The following COMMD1 variants were observed in gnomAD, a reference collection of about 807,000 sequenced individuals.
The protein encoded by COMMD1 is copper metabolism domain containing 1, also known as COMM domain-containing protein 1.
In COMMD1, 10 loss-of-function variants were observed where a neutral mutation model predicts 17.2. That is an observed-to-expected ratio of 0.58 (90% confidence interval 0.36 to 0.99). The LOEUF (loss-of-function observed/expected upper bound fraction) is 0.99. COMMD1 is among the 50% of genes least tolerant of loss of function. COMMD1 has a pLI of 0.01. For missense variants in COMMD1, 270 were observed against 231.8 expected (o/e 1.17, Z -1.07); for synonymous variants, 97 against 91.6 (o/e 1.06, Z -0.34).
At chr2:62,047,378 G>T (rs867177242) in intron 2 of COMMD1, among the ~76,000 whole-genome samples, 1 of 152,050 alleles carries the variant, frequency 6.6e-6, no homozygotes, top group African/African-American at 2.4e-5. Context: ...AGGCCTTCAC[G>T]TTCACGGACC....
intron 1 of COMMD1, among the ~76,000 whole-genome samples, chr2:61,913,631 C>G (rs1358018034): frequency 6.7e-6 from 1 of 149,378 alleles, no homozygotes; most frequent in Non-Finnish European, 1.5e-5. Context: ...ATTGGCTCTA[C>G]TAAAAATACA....
intron 1 of COMMD1, among the ~76,000 whole-genome samples, chr2:61,949,394 A>G (rs987664517): frequency 6.6e-6 from 1 of 152,190 alleles, no homozygotes; most frequent in African/African-American, 2.4e-5. Flanking sequence ...TTCCAGCCCA[A>G]CGAGTTCCTT....
At chr2:61,908,805 G>A (rs1371972495) in intron 1 of COMMD1, among the ~76,000 whole-genome samples, 4 of 151,660 alleles carry the variant, frequency 2.6e-5, no homozygotes, top group Non-Finnish European at 5.9e-5. Flanking sequence ...CTGACCTCGT[G>A]AGCCACCTGC....
chr2:62,133,649 T>C (rs1673105171), intron 2 of COMMD1, among the ~76,000 whole-genome samples: 1 of 152,010 alleles, frequency 6.6e-6, no homozygotes, highest in South Asian at 2.1e-4. Flanking sequence ...TGACTAGACA[T>C]AGGAAGAAGG....
intron 1 of COMMD1, among the ~76,000 whole-genome samples, chr2:61,984,564 C>T (rs1419910079): frequency 3.9e-5 from 6 of 152,166 alleles, no homozygotes. Context: ...TTAGACTTGG[C>T]TTGTAGCCTA....
intron 2 of COMMD1, among the ~76,000 whole-genome samples, chr2:62,020,751 G>C (rs1042536648): frequency 4.6e-5 from 7 of 152,158 alleles, no homozygotes; most frequent in Non-Finnish European, 4.4e-5. Context: ...TGTAATCCCA[G>C]CACTTTGGGA....
intron 1 of COMMD1, among the ~76,000 whole-genome samples, chr2:61,938,400 A>G (rs992569941): frequency 2.0e-5 from 3 of 152,138 alleles, no homozygotes; most frequent in African/African-American, 7.2e-5. Flanking sequence ...GTTCAGTTCC[A>G]AAGGATAAGG....
intron 2 of COMMD1, among the ~76,000 whole-genome samples, chr2:62,090,225 T>C (rs1053125847): frequency 2.7e-5 from 4 of 150,160 alleles, no homozygotes; most frequent in African/African-American, 9.8e-5. Flanking sequence ...ACAAACACCA[T>C]AAAGATAGCA....
chr2:62,008,389 C>CAT (rs1320493467), intron 2 of COMMD1, among the ~76,000 whole-genome samples: 2 of 145,638 alleles, frequency 1.4e-5, no homozygotes, highest in Non-Finnish European at 3.1e-5. Context: ...CACACACACA[C>CAT]ATATATATTT....
chr2:61,997,314 G>A (rs1020938344), intron 1 of COMMD1, among the ~76,000 whole-genome samples: 2 of 151,442 alleles, frequency 1.3e-5, no homozygotes, highest in Admixed American at 6.6e-5. Context: ...TGCCCACCTC[G>A]GCCTCCCAAG....
intron 2 of COMMD1, among the ~76,000 whole-genome samples, chr2:62,035,483 A>G (rs145991627): frequency 3.2e-4 from 48 of 151,720 alleles, no homozygotes; most frequent in Non-Finnish European, 3.7e-4. Context: ...GCTCATGCCT[A>G]TAATCCCAGC....
intron 1 of COMMD1, among the ~76,000 whole-genome samples, chr2:61,908,295 C>T (rs1173050149): frequency 1.3e-5 from 2 of 150,174 alleles, no homozygotes; most frequent in African/African-American, 4.9e-5. Context: ...GGCGCCATCT[C>T]GGCTCACTAC....
chr2:62,115,647 C>T (rs1672569651), intron 2 of COMMD1, among the ~76,000 whole-genome samples: 1 of 151,958 alleles, frequency 6.6e-6, no homozygotes, highest in Non-Finnish European at 1.5e-5. Flanking sequence ...ATAACTGTGG[C>T]TATGTGAGTT....
chr2:62,106,873 G>A (rs1333234336), intron 2 of COMMD1, among the ~76,000 whole-genome samples: 5 of 152,198 alleles, frequency 3.3e-5, no homozygotes, highest in African/African-American at 1.2e-4. Flanking sequence ...CAAAGGAAGG[G>A]TGGAGAAAAA....
intron 2 of COMMD1, among the ~76,000 whole-genome samples, chr2:62,031,412 A>G (rs10084292): frequency 2.6e-4 from 40 of 152,348 alleles, no homozygotes; most frequent in African/African-American, 9.1e-4. Context: ...TACAGAGCAT[A>G]GATACTTTTT....
chr2:62,048,780 G>T (rs758083162), intron 2 of COMMD1, among the ~76,000 whole-genome samples: 1 of 151,860 alleles, frequency 6.6e-6, no homozygotes, highest in Non-Finnish European at 1.5e-5. Context: ...AAAACTACTT[G>T]TCTTGAGTAT....
chr2:61,951,318 G>A (rs1671047464), intron 1 of COMMD1, among the ~76,000 whole-genome samples: 1 of 152,090 alleles, frequency 6.6e-6, no homozygotes, highest in South Asian at 2.1e-4. Flanking sequence ...ACAAAAATTA[G>A]GCATGGTGGC....
chr2:62,052,221 C>G (rs1213498821), intron 2 of COMMD1, among the ~76,000 whole-genome samples: 1 of 152,108 alleles, frequency 6.6e-6, no homozygotes. Flanking sequence ...GAAGCTGACA[C>G]TGGTGGATTG....
intron 1 of COMMD1, among the ~76,000 whole-genome samples, chr2:61,909,054 G>A (rs749195433): frequency 3.3e-5 from 5 of 152,046 alleles, no homozygotes; most frequent in Non-Finnish European, 7.4e-5. Context: ...TCAGCCTCCT[G>A]AGTAGCTGGG....
Sources: allele counts gnomAD v4.1 joint callset (sites outside exome capture counted in the v4.1 genomes callset), GRCh38; gene constraint gnomAD v4.1.1; transcripts MANE v1.5; gene names NCBI Gene and HGNC (gene_info 2026-07-23, HGNC 2026-07-21).